The following CEP170 variants were observed in gnomAD, a reference collection of about 807,000 sequenced individuals.
CEP170 encodes the protein centrosomal protein of 170 kDa.
A neutral mutation model predicts 151.9 loss-of-function variants in CEP170; 21 were observed. The observed-to-expected ratio is 0.14, with a 90% CI of 0.10 to 0.20. The LOEUF (loss-of-function observed/expected upper bound fraction) is 0.20, where lower values mean the gene tolerates loss of function less well. Ranked by LOEUF, CEP170 falls within the 10% of genes least tolerant of loss-of-function variation. CEP170 has a pLI of 1.00. For missense variants in CEP170, 964 were observed against 1,892.9 expected, an observed-to-expected ratio of 0.51 and a Z score of 9.11; for synonymous variants, 356 against 648.8, an observed-to-expected ratio of 0.55 and a Z score of 6.86.
upstream of CEP170, among the ~76,000 whole-genome samples, chr1:243,255,530 C>T (rs1213618725): frequency 1.3e-5 from 2 of 152,306 alleles, no homozygotes; most frequent in Non-Finnish European, 2.9e-5. Flanking sequence ...AGTGAAGGTC[C>T]GGTTGCTGGG....
At chr1:243,137,543 G>A (rs554782866) in intron 16 of CEP170, among the ~76,000 whole-genome samples, 2 of 152,248 alleles carry the variant, frequency 1.3e-5, no homozygotes, top group East Asian at 3.9e-4. Context: ...TTGGGAGGCT[G>A]GGGTGGGTGG....
intron 17 of CEP170, among the ~76,000 whole-genome samples, chr1:243,134,830 T>C (rs2054852179): frequency 6.6e-6 from 1 of 152,072 alleles, no homozygotes; most frequent in Non-Finnish European, 1.5e-5. Context: ...ATGCCTCATA[T>C]GCCAATCAAA....
Position 243,172,696 on chromosome 1 carries a change from C to T in CEP170, c.1716+1G>A. 2 of 1,589,408 alleles carry T rather than the reference C, an allele frequency of 1.3e-6. No individual in the cohort carries two copies. The highest frequency in any genetic ancestry group is 1.7e-6 in the Non-Finnish European group (2 of 1,168,404). Reference sequence around the variant, plus strand: ...AATAGGTACACAGAAGAGATGTATACCTCTGAGTGGTGAAATCCAGATGTA... The same window carrying T: ...AATAGGTACACAGAAGAGATGTATATCTCTGAGTGGTGAAATCCAGATGTA... On this transcript the variant is annotated splice_donor_variant, in intron 11 of 19. Transcript: ENST00000366542. LOFTEE classifies it high-confidence loss of function.
At chr1:243,234,668 C>T (rs996786385) in intron 1 of CEP170, among the ~76,000 whole-genome samples, 4 of 152,104 alleles carry the variant, frequency 2.6e-5, no homozygotes, top group Admixed American at 2.6e-4. Context: ...ATTTTCACCC[C>T]TAAAAAGTCC....
intron 8 of CEP170, among the ~76,000 whole-genome samples, chr1:243,189,497 A>T (rs759988378): frequency 6.6e-6 from 1 of 150,538 alleles, no homozygotes; most frequent in Non-Finnish European, 1.5e-5. Context: ...CGGAGCTTGC[A>T]GTGAGCCGAG....
chr1:243,158,965 G>A (rs968845547), intron 13 of CEP170, among the ~76,000 whole-genome samples: 7 of 152,108 alleles, frequency 4.6e-5, no homozygotes, highest in African/African-American at 1.7e-4. Flanking sequence ...TACTCGGGAG[G>A]CTAAGAGAGG....
At chr1:243,209,955 C>A (rs577222052) in intron 4 of CEP170, among the ~76,000 whole-genome samples, 273 of 152,016 alleles carry the variant, frequency 1.8e-3, no homozygotes, top group African/African-American at 6.6e-3. Flanking sequence ...AGCCTCCCCA[C>A]GTGCTGGGAT....
At chr1:243,156,776 G>T in intron 13 of CEP170, 1 of 197,836 alleles carries the variant, frequency 5.1e-6, no homozygotes, top group Non-Finnish European at 1.0e-5. Context: ...TTTAACTGGA[G>T]TACTTTTCAA....
At chr1:243,186,682 A>G (rs554137769) in intron 8 of CEP170, among the ~76,000 whole-genome samples, 27 of 152,236 alleles carry the variant, frequency 1.8e-4, no homozygotes, top group African/African-American at 5.8e-4. Context: ...TGTTTCATCA[A>G]TGTCTTAATA....
At chr1:243,208,909 TAATA>T (rs2061592580) in intron 4 of CEP170, among the ~76,000 whole-genome samples, 1 of 151,838 alleles carries the variant, frequency 6.6e-6, no homozygotes, top group Non-Finnish European at 1.5e-5. Flanking sequence ...AGGAGACATT[TAATA>T]AATAATTAGG....
chr1:243,193,190 T>C (rs2060423909), intron 7 of CEP170, among the ~76,000 whole-genome samples: 1 of 152,132 alleles, frequency 6.6e-6, no homozygotes, highest in African/African-American at 2.4e-5. Context: ...TTAGTTAAAA[T>C]TTCCATTAGA....
chr1:243,213,263 T>C (rs2148921966), intron 3 of CEP170, among the ~76,000 whole-genome samples: 1 of 152,208 alleles, frequency 6.6e-6, no homozygotes, highest in East Asian at 1.9e-4. Flanking sequence ...TATTTCATCA[T>C]TCTTTAGTTA....
At chr1:243,152,740 C>A (rs945887117) in intron 14 of CEP170, among the ~76,000 whole-genome samples, 37 of 151,602 alleles carry the variant, frequency 2.4e-4, no homozygotes, top group Middle Eastern at 3.4e-3. Context: ...ACCGTGTTAG[C>A]CAGGATGGTC....
At chr1:243,174,519 C>G (rs2059091564) in intron 10 of CEP170, among the ~76,000 whole-genome samples, 4 of 152,118 alleles carry the variant, frequency 2.6e-5, no homozygotes, top group Admixed American at 6.5e-5. Context: ...TTTAGTGAAA[C>G]AGGTATCAGA....
chr1:243,243,360 A>T (rs1034630470), intron 1 of CEP170, among the ~76,000 whole-genome samples: 2 of 152,204 alleles, frequency 1.3e-5, no homozygotes, highest in South Asian at 2.1e-4. Flanking sequence ...ATGTAGTAAG[A>T]TATAAAATTT....
chr1:243,231,269 A>C (rs918388411), intron 1 of CEP170, among the ~76,000 whole-genome samples: 1 of 151,110 alleles, frequency 6.6e-6, no homozygotes, highest in African/African-American at 2.4e-5. Context: ...ACAATAGCTG[A>C]CACAGTTTTT....
chr1:243,159,592 A>C (rs2057873272), intron 13 of CEP170, among the ~76,000 whole-genome samples: 1 of 152,144 alleles, frequency 6.6e-6, no homozygotes, highest in Non-Finnish European at 1.5e-5. Context: ...TTTTAGAAGA[A>C]TGGCCTTTGA....
At chr1:243,247,540 G>C (rs1436819169) in intron 1 of CEP170, among the ~76,000 whole-genome samples, 1 of 152,148 alleles carries the variant, frequency 6.6e-6, no homozygotes, top group African/African-American at 2.4e-5. Flanking sequence ...TTTTAGTAGA[G>C]ACGGGGTTTC....
At chr1:243,238,007 A>C (rs2064413128) in intron 1 of CEP170, among the ~76,000 whole-genome samples, 1 of 152,208 alleles carries the variant, frequency 6.6e-6, no homozygotes, top group Non-Finnish European at 1.5e-5. Flanking sequence ...TGTATTGGCA[A>C]GACTGTTCTT....
Sources: allele counts gnomAD v4.1 joint callset (sites outside exome capture counted in the v4.1 genomes callset), GRCh38; gene constraint gnomAD v4.1.1; transcripts MANE v1.5; gene names NCBI Gene and HGNC (gene_info 2026-07-23, HGNC 2026-07-21).